The following ANKS1A variants were observed in gnomAD, a reference collection of about 807,000 sequenced individuals.
ANKS1A encodes the protein ankyrin repeat and SAM domain-containing protein 1A.
ANKS1A carries 55 observed loss-of-function variants against 120.3 expected under a neutral mutation model. That is an observed-to-expected ratio of 0.46 (90% CI 0.37 to 0.57). The LOEUF (loss-of-function observed/expected upper bound fraction) is 0.57. ANKS1A is among the 20% of genes least tolerant of loss of function. The pLI is 0.00. For synonymous variants in ANKS1A, 590 were observed against 604.7 expected (o/e 0.98, Z 0.36); for missense variants, 1,123 against 1,480.3 (o/e 0.76, Z 3.96).
chr6:35,033,566 C>T (rs753219532), intron 11 of ANKS1A, among the ~76,000 whole-genome samples: 2 of 152,206 alleles, frequency 1.3e-5, no homozygotes, highest in African/African-American at 4.8e-5. Context: ...GTTCAGATAA[C>T]GCTGTTTCTC....
At chr6:34,986,645 T>C (rs1191941742) in intron 8 of ANKS1A, among the ~76,000 whole-genome samples, 1 of 152,216 alleles carries the variant, frequency 6.6e-6, no homozygotes, top group East Asian at 1.9e-4. Flanking sequence ...TCTTAGAGTG[T>C]TCTTTTTCAT....
At chr6:35,073,220 C>T (rs1777165110) in intron 13 of ANKS1A, among the ~76,000 whole-genome samples, 2 of 152,316 alleles carry the variant, frequency 1.3e-5, no homozygotes, top group Non-Finnish European at 2.9e-5. Flanking sequence ...CCACAAAGCC[C>T]GGCAGAGGGT....
chr6:34,950,117 T>C (rs548775281), intron 1 of ANKS1A, among the ~76,000 whole-genome samples: 76 of 152,214 alleles, frequency 5.0e-4, no homozygotes, highest in African/African-American at 1.7e-3. Context: ...GAGCTTGAGG[T>C]TACAGTGAGC....
At chr6:35,064,623 G>A (rs1161514075) in intron 13 of ANKS1A, among the ~76,000 whole-genome samples, 1 of 152,182 alleles carries the variant, frequency 6.6e-6, no homozygotes. Flanking sequence ...TCACTCTCCA[G>A]CCCTCTAAAC....
intron 3 of ANKS1A, among the ~76,000 whole-genome samples, chr6:34,974,274 TCCCTTC>T (rs1369939883): frequency 8.3e-5 from 2 of 24,106 alleles, no homozygotes; most frequent in Non-Finnish European, 1.5e-4. Flanking sequence ...CGCTTCCCCT[TCCCTTC>T]CCCTTCCCCT....
chr6:35,019,620 G>A (rs1307401002), intron 11 of ANKS1A, among the ~76,000 whole-genome samples: 4 of 152,166 alleles, frequency 2.6e-5, no homozygotes, highest in South Asian at 2.1e-4. Flanking sequence ...TCTGGGGGAG[G>A]GGGGTGCCAG....
At chr6:34,991,461 A>G (rs1339117844) in intron 9 of ANKS1A, among the ~76,000 whole-genome samples, 1 of 150,884 alleles carries the variant, frequency 6.6e-6, no homozygotes, top group African/African-American at 2.4e-5. Flanking sequence ...TCCATTGGTC[A>G]CTGTTAGGTG....
intron 1 of ANKS1A, among the ~76,000 whole-genome samples, chr6:34,901,957 G>A (rs1408157286): frequency 1.3e-5 from 2 of 152,102 alleles, no homozygotes; most frequent in African/African-American, 4.8e-5. Flanking sequence ...AATACCTATG[G>A]GTCCTATATA....
At chr6:34,991,551 C>T (rs1314838071) in intron 9 of ANKS1A, among the ~76,000 whole-genome samples, 80 of 16,582 alleles carry the variant, frequency 4.8e-3, no homozygotes, top group African/African-American at 7.0e-3. Flanking sequence ...TACACACACA[C>T]ACACACACAC....
intron 11 of ANKS1A, among the ~76,000 whole-genome samples, chr6:35,030,376 G>A (rs913552044): frequency 2.0e-5 from 3 of 152,134 alleles, no homozygotes; most frequent in Non-Finnish European, 4.4e-5. Context: ...TCTAAGATGG[G>A]GGGCTGTTAG....
At chr6:34,920,759 A>G (rs140519681) in intron 1 of ANKS1A, among the ~76,000 whole-genome samples, 2 of 152,346 alleles carry the variant, frequency 1.3e-5, no homozygotes, top group African/African-American at 4.8e-5. Context: ...AATGATGTAA[A>G]GTGCTCAGAG....
At chr6:34,975,029 A>G (rs1028705334) in intron 3 of ANKS1A, among the ~76,000 whole-genome samples, 3 of 152,254 alleles carry the variant, frequency 2.0e-5, no homozygotes, top group Admixed American at 6.5e-5. Flanking sequence ...TCTTGAAAGT[A>G]CATTTTCCTA....
chr6:34,950,146 C>T (rs931053753), intron 1 of ANKS1A, among the ~76,000 whole-genome samples: 2 of 151,976 alleles, frequency 1.3e-5, no homozygotes, highest in African/African-American at 4.8e-5. Context: ...TGCTACTGCA[C>T]CCTAACGTGG....
At position 34,941,245 on chromosome 6, in the gene ANKS1A, C is replaced by G. The variant is rs548384544; in HGVS notation, c.198-25994C>G. Among the ~76,000 whole-genome samples, 7 of 152,282 alleles carry G rather than the reference C, an allele frequency of 4.6e-5. No individual in the cohort carries two copies. The South Asian group carries it at 1.4e-3, about 32-fold the overall frequency. On this transcript the variant is annotated intron_variant, in intron 1 of 23. Coordinates refer to ENST00000360359, the MANE Select transcript of ANKS1A (RefSeq NM_015245.3). ...TTGTGATCGGCCTGCCTTGGCCTCC[C>G]AAAGTGTTGGGATTACAGGTGTGAG...
At chr6:35,079,495 A>C (rs778456757) in intron 14 of ANKS1A, 21 bp from the exon 15 acceptor site, 1 of 1,612,254 alleles carries the variant, frequency 6.2e-7, no homozygotes, top group African/African-American at 1.3e-5. Context: ...TGTCAGTTTC[A>C]CCTCCCTCCT....
intron 1 of ANKS1A, among the ~76,000 whole-genome samples, chr6:34,925,801 T>C (rs1768687645): frequency 6.6e-6 from 1 of 152,176 alleles, no homozygotes; most frequent in African/African-American, 2.4e-5. Flanking sequence ...CCCCAGGACA[T>C]TGGCAATGTC....
intron 1 of ANKS1A, among the ~76,000 whole-genome samples, chr6:34,891,257 A>G (rs977668414): frequency 6.6e-6 from 1 of 152,218 alleles, no homozygotes; most frequent in Non-Finnish European, 1.5e-5. Context: ...GGTGCTCCTT[A>G]GGCAACAGGA....
intron 1 of ANKS1A, among the ~76,000 whole-genome samples, chr6:34,951,877 C>G (rs1486807130): frequency 6.6e-6 from 1 of 152,154 alleles, no homozygotes; most frequent in African/African-American, 2.4e-5. Context: ...CCTAGAACAT[C>G]ACGCCTCTCT....
chr6:34,905,425 A>G (rs143217645), intron 1 of ANKS1A, among the ~76,000 whole-genome samples: 1 of 152,360 alleles, frequency 6.6e-6, no homozygotes, highest in East Asian at 1.9e-4. Context: ...AGGTATTGCT[A>G]CTGACAGTAT....
Sources: allele counts gnomAD v4.1 joint callset (sites outside exome capture counted in the v4.1 genomes callset), GRCh38; gene constraint gnomAD v4.1.1; transcripts MANE v1.5; gene names NCBI Gene and HGNC (gene_info 2026-07-23, HGNC 2026-07-21).